The following ANKH variants were observed in gnomAD, a reference collection of about 807,000 sequenced individuals.
The protein encoded by ANKH is mineralization regulator ANKH.
A neutral mutation model predicts 49.0 loss-of-function variants in ANKH; 15 were observed. That is an observed-to-expected ratio of 0.31 (90% CI 0.20 to 0.47). ANKH has a LOEUF of 0.47. Ranked by LOEUF, ANKH falls within the 20% of genes least tolerant of loss-of-function variation. The pLI, the probability that ANKH is intolerant of heterozygous loss-of-function variation, is 1.00. For synonymous variants in ANKH, 273 were observed against 260.0 expected, an observed-to-expected ratio of 1.05 and a Z score of -0.48; for missense variants, 429 against 652.0, an observed-to-expected ratio of 0.66 and a Z score of 3.72.
chr5:14,821,219 C>T (rs1741189586), intron 1 of ANKH, among the ~76,000 whole-genome samples: 2 of 152,196 alleles, frequency 1.3e-5, no homozygotes, highest in Admixed American at 6.5e-5. Flanking sequence ...ATTCTGAGAA[C>T]ATGCCTCTAT....
chr5:14,837,790 T>C (rs1383421618), intron 1 of ANKH, among the ~76,000 whole-genome samples: 1 of 152,186 alleles, frequency 6.6e-6, no homozygotes, highest in Non-Finnish European at 1.5e-5. Context: ...ACCCAAAGGA[T>C]TATAAATCAT....
chr5:14,834,393 C>T (rs1580104726), intron 1 of ANKH, among the ~76,000 whole-genome samples: 1 of 152,152 alleles, frequency 6.6e-6, no homozygotes, highest in East Asian at 1.9e-4. Context: ...TAAGCATGCC[C>T]CAAAGACTAC....
chr5:14,845,356 A>G (rs1741927413), intron 1 of ANKH, among the ~76,000 whole-genome samples: 1 of 44,464 alleles, frequency 2.2e-5, no homozygotes, highest in African/African-American at 4.5e-5. Flanking sequence ...GTGTATATAT[A>G]TATATATATA....
At chr5:14,810,011 C>T (rs967447803) in intron 1 of ANKH, among the ~76,000 whole-genome samples, 5 of 152,116 alleles carry the variant, frequency 3.3e-5, no homozygotes, top group Non-Finnish European at 1.5e-5. Flanking sequence ...TCCCTGGTGG[C>T]ACTAGTGCCT....
In ANKH at chr5:14,853,195, A is replaced by T. The variant is rs564368794; in HGVS notation, c.96+18157T>A. 6.6e-5 allele frequency among the ~76,000 whole-genome samples: 10 copies of T among 152,328 alleles called. No homozygotes were observed. The South Asian group carries it at 2.1e-3, about 32-fold the overall frequency. ...AAGACAAATAATAAATTTCAATCAT[A>T]CGCTTTTCCCAATTACTACTATTTT... On this transcript the variant is annotated intron_variant, in intron 1 of 11. Transcript: ENST00000284268.
intron 1 of ANKH, among the ~76,000 whole-genome samples, chr5:14,771,136 C>T (rs923459764): frequency 3.3e-5 from 5 of 152,142 alleles, no homozygotes; most frequent in East Asian, 1.9e-4. Flanking sequence ...AAGGAGCCAA[C>T]GGGTGCTTGA....
intron 1 of ANKH, among the ~76,000 whole-genome samples, chr5:14,772,136 T>C (rs17251715): frequency 0.33 from 49,449 of 151,768 alleles, 8,030 homozygotes; most frequent in Admixed American, 0.38. Flanking sequence ...TAGGCTGTGG[T>C]CCCTACATGT....
chr5:14,740,237 C>A (rs193133776), intron 8 of ANKH, among the ~76,000 whole-genome samples: 46 of 152,178 alleles, frequency 3.0e-4, no homozygotes, highest in Non-Finnish European at 6.3e-4. Context: ...AGAGTTAATT[C>A]AACCTTGGAT....
chr5:14,830,646 C>T lies in ANKH; in HGVS notation c.96+40706G>A, dbSNP rs191533471. On this transcript the variant is annotated intron_variant, in intron 1 of 11. Transcript: ENST00000284268. ...AACTGAAAGAGAATAACAGCAAGTCCGACTAAGATAGCACGGAGCTGCTTG... is the reference window on the plus strand; with the variant it reads ...AACTGAAAGAGAATAACAGCAAGTCTGACTAAGATAGCACGGAGCTGCTTG... Among the ~76,000 whole-genome samples, 41 of 152,066 alleles carry T rather than the reference C, an allele frequency of 2.7e-4. No individual in the cohort carries two copies. In the East Asian group the frequency reaches 5.4e-3, roughly 20 times the overall value.
At chr5:14,845,295 G>A (rs1227413089) in intron 1 of ANKH, among the ~76,000 whole-genome samples, 1 of 151,534 alleles carries the variant, frequency 6.6e-6, no homozygotes, top group African/African-American at 2.4e-5. Flanking sequence ...AAACCACCAT[G>A]CTGAGATTTG....
At chr5:14,857,108 A>C (rs1735293812) in intron 1 of ANKH, among the ~76,000 whole-genome samples, 2 of 151,912 alleles carry the variant, frequency 1.3e-5, no homozygotes, top group Non-Finnish European at 2.9e-5. Flanking sequence ...CCTATGTCTA[A>C]ACACATTTGC....
chr5:14,838,221 C>T lies in ANKH; in HGVS notation c.96+33131G>A, dbSNP rs184844293. 2.9e-3 allele frequency among the ~76,000 whole-genome samples: 444 copies of T among 152,120 alleles called. 1 individual carries two copies. The highest frequency in any genetic ancestry group is 4.7e-3 in the Non-Finnish European group (323 of 68,010). ...GGCACATGTATACATATGTCACAAA[C>T]CTGCACGTTGTGCACATGTACCCTA... On this transcript the variant is annotated intron_variant, in intron 1 of 11. Transcript: ENST00000284268.
chr5:14,750,978 T>C, intron 5 of ANKH, 91 bp downstream of exon 5: 1 of 1,515,334 alleles, frequency 6.6e-7, no homozygotes, highest in Non-Finnish European at 9.1e-7. Context: ...CATGTTTTGA[T>C]GTCACTGATT....
intron 1 of ANKH, among the ~76,000 whole-genome samples, chr5:14,801,399 C>T (rs542207929): frequency 1.5e-4 from 23 of 152,252 alleles, no homozygotes; most frequent in African/African-American, 5.1e-4. Flanking sequence ...CAAGCTAATG[C>T]TATGTTACTG....
chr5:14,792,589 G>C (rs1740203992), intron 1 of ANKH, among the ~76,000 whole-genome samples: 1 of 152,064 alleles, frequency 6.6e-6, no homozygotes, highest in African/African-American at 2.4e-5. Context: ...AACGATTTGG[G>C]GGTTTCTAGC....
In ANKH at chr5:14,712,896, G is replaced by A. The variant is rs768077784; in HGVS notation, c.1343C>T (p.Ala448Val). 4.2e-5 allele frequency: 67 copies of A among 1,612,012 alleles called. No individual in the cohort carries two copies. The highest frequency in any genetic ancestry group is 9.3e-5 in the African/African-American group (7 of 74,894). Residue 448 changes from alanine (A) to valine (V), a missense_variant, in exon 11 of 12, where the codon GCG becomes GTG. Ala to Val is a moderately conservative substitution (Grantham distance 64). Around this residue, in one of 2 missense-constraint regions of ANKH, gnomAD observed 378 missense variants for 615.3 expected, o/e 0.61. Coordinates refer to ENST00000284268, the MANE Select transcript of ANKH (RefSeq NM_054027.6). ...CACCTGCTTCCGGTAGACATAGCAC[G>A]CAGCGATGGCGACCATGGTGGATTC... The part of the protein sequence containing the change: ...VGESTMVAIA[A>V]CYVYRKQKKK...
At chr5:14,728,191 T>C (rs766493542) in intron 8 of ANKH, among the ~76,000 whole-genome samples, 5 of 152,240 alleles carry the variant, frequency 3.3e-5, no homozygotes, top group Non-Finnish European at 7.3e-5. Context: ...GTGATTCCAT[T>C]TCATCTTCAT....
chr5:14,734,571 C>G (rs1438073255), intron 8 of ANKH, among the ~76,000 whole-genome samples: 1 of 152,232 alleles, frequency 6.6e-6, no homozygotes, highest in Non-Finnish European at 1.5e-5. Flanking sequence ...CCGGGCTGGG[C>G]ACCTGCCTCT....
intron 1 of ANKH, among the ~76,000 whole-genome samples, chr5:14,817,295 A>G (rs1741067800): frequency 6.6e-6 from 1 of 152,180 alleles, no homozygotes; most frequent in African/African-American, 2.4e-5. Context: ...TCTATGTGTG[A>G]CGCTAAAACG....
Sources: gnomAD v4.1 joint callset for allele counts (sites outside exome capture counted in the v4.1 genomes callset) on GRCh38, gnomAD v4.1.1 for gene constraint, gnomAD v4.1.1 regional missense constraint, MANE v1.5 for transcripts, NCBI Gene and HGNC (gene_info 2026-07-23, HGNC 2026-07-21) for gene names.